SLC24A2: variants seen among roughly 807,000 people sequenced by gnomAD.
SLC24A2 encodes the protein solute carrier family 24 member 2, also known as sodium/potassium/calcium exchanger 2.
SLC24A2 carries 36 observed loss-of-function variants against 62.0 expected under a neutral mutation model. The ratio of observed to expected loss-of-function variants is 0.58; its 90% CI spans 0.44 to 0.77. The LOEUF (loss-of-function observed/expected upper bound fraction) is 0.77. SLC24A2 is among the 30% of genes least tolerant of loss of function. The pLI, the probability that SLC24A2 is intolerant of heterozygous loss-of-function variation, is 0.00. For missense variants in SLC24A2, 846 were observed against 817.9 expected (o/e 1.03, Z -0.42); for synonymous variants, 358 against 294.0 (o/e 1.22, Z -2.23).
At chr9:19,590,637 T>C (rs1024939943) in intron 5 of SLC24A2, among the ~76,000 whole-genome samples, 11 of 152,174 alleles carry the variant, frequency 7.2e-5, no homozygotes, top group African/African-American at 2.7e-4. Context: ...CTTACTTCTG[T>C]TCCCATCTGT....
chr9:20,027,328 C>T, the SLC24A2 span, among the ~76,000 whole-genome samples: 2 of 152,014 alleles, frequency 1.3e-5, no homozygotes, highest in African/African-American at 4.8e-5. Flanking sequence ...GCAATCACTA[C>T]GTCAAAAAGA....
At chr9:20,095,957 C>T in the SLC24A2 span, among the ~76,000 whole-genome samples, 32 of 152,184 alleles carry the variant, frequency 2.1e-4, no homozygotes, top group East Asian at 3.1e-3. Context: ...ATGGGGGAAA[C>T]CACCTCCATG....
Position 19,730,977 on chromosome 9 carries a change from A to G in SLC24A2, c.930+54960T>C, listed in dbSNP as rs538840627. Among the ~76,000 whole-genome samples, 10 of 152,228 alleles carry G rather than the reference A, an allele frequency of 6.6e-5. No individual in the cohort carries two copies. In the East Asian group the frequency reaches 1.9e-3, roughly 29 times the overall value. On this transcript the variant is annotated intron_variant, in intron 2 of 10. Coordinates refer to ENST00000341998, the MANE Select transcript of SLC24A2 (RefSeq NM_020344.4). ...CCTACTTAAAACTGTCACACTTTTC[A>G]GTTCATTTTGCTTCATAGTCCATTT...
At chr9:20,048,632 C>T in the SLC24A2 span, among the ~76,000 whole-genome samples, 1 of 152,028 alleles carries the variant, frequency 6.6e-6, no homozygotes, top group African/African-American at 2.4e-5. Context: ...CTGAAACCGG[C>T]ACTGAGACAA....
intron 2 of SLC24A2, among the ~76,000 whole-genome samples, chr9:19,681,254 C>T (rs1218357249): frequency 2.0e-5 from 3 of 152,104 alleles, no homozygotes; most frequent in Non-Finnish European, 4.4e-5. Flanking sequence ...TAGCTATCCA[C>T]ATAGATCTCT....
chr9:19,820,046 TATATATATACAC>T, the SLC24A2 span, among the ~76,000 whole-genome samples: 1,761 of 21,316 alleles, frequency 0.083, 58 homozygotes, highest in Non-Finnish European at 0.21. Context: ...TATATACATA[TATATATATACAC>T]ATATATATAT....
At chr9:19,740,955 A>G (rs540988183) in intron 2 of SLC24A2, among the ~76,000 whole-genome samples, 1 of 152,148 alleles carries the variant, frequency 6.6e-6, no homozygotes, top group Admixed American at 6.5e-5. Context: ...CTCTCACTGA[A>G]CCATTGAATC....
At chr9:20,060,183 G>C in the SLC24A2 span, among the ~76,000 whole-genome samples, 14 of 152,062 alleles carry the variant, frequency 9.2e-5, no homozygotes, top group East Asian at 2.5e-3. Flanking sequence ...TAACAAAAAA[G>C]AGCTCAGGAC....
chr9:19,950,301 A>G, the SLC24A2 span, among the ~76,000 whole-genome samples: 1 of 152,190 alleles, frequency 6.6e-6, no homozygotes, highest in African/African-American at 2.4e-5. Flanking sequence ...AGAGTTTGCT[A>G]TTATTTTTAT....
chr9:20,124,174 T>C, the SLC24A2 span, among the ~76,000 whole-genome samples: 1 of 152,150 alleles, frequency 6.6e-6, no homozygotes, highest in Non-Finnish European at 1.5e-5. Context: ...AGCATAACTA[T>C]ACGATTCCTC....
the SLC24A2 span, among the ~76,000 whole-genome samples, chr9:20,191,668 G>C: frequency 6.6e-6 from 1 of 151,138 alleles, no homozygotes; most frequent in South Asian, 2.1e-4. Flanking sequence ...AGAGAATTCA[G>C]GGCAAACTAG....
rs1832859009 is a variant in SLC24A2 at position 19,514,731 on chromosome 9, G to A, written c.*1422C>T. On this transcript the variant is annotated 3_prime_UTR_variant, in exon 11 of 11. Coordinates refer to ENST00000341998, the MANE Select transcript of SLC24A2 (RefSeq NM_020344.4). ...AAAACTTAGACAGAATCCCAGATAAGGTCTTGATGGAAGAAGAGACATAGA... is the reference window on the plus strand; with the variant it reads ...AAAACTTAGACAGAATCCCAGATAAAGTCTTGATGGAAGAAGAGACATAGA... The A allele has an allele frequency of 6.6e-6, 1 of 152,164 alleles. No individual in the cohort carries two copies. Among genetic ancestry groups the A allele is most frequent in the Non-Finnish European group, 1.5e-5 (1 of 68,038 alleles). The allele number at this position is 152,164 out of a possible 1,614,324, so 9.4% of individuals were successfully genotyped here. A position where few individuals can be genotyped will look rare whatever the true frequency, so the allele number is the denominator to read the frequency against.
the SLC24A2 span, among the ~76,000 whole-genome samples, chr9:19,821,068 G>A: frequency 6.6e-6 from 1 of 151,930 alleles, no homozygotes; most frequent in African/African-American, 2.4e-5. Flanking sequence ...TTTTTTTAGT[G>A]GATAGTTTCT....
At chr9:19,708,732 T>C (rs1360631850) in intron 2 of SLC24A2, among the ~76,000 whole-genome samples, 1 of 152,228 alleles carries the variant, frequency 6.6e-6, no homozygotes, top group Non-Finnish European at 1.5e-5. Context: ...GATCCCTTCC[T>C]TACATCTTAT....
the SLC24A2 span, among the ~76,000 whole-genome samples, chr9:19,837,179 G>A: frequency 1.4e-4 from 22 of 152,038 alleles, no homozygotes; most frequent in East Asian, 3.9e-4. Context: ...AGGGCCGGGT[G>A]CGGTGGCTCA....
At chr9:19,952,724 G>A in the SLC24A2 span, among the ~76,000 whole-genome samples, 1 of 130,222 alleles carries the variant, frequency 7.7e-6, no homozygotes. Context: ...GTGTTTCTTT[G>A]TCTATATTCA....
the SLC24A2 span, among the ~76,000 whole-genome samples, chr9:19,859,630 C>A: frequency 6.6e-6 from 1 of 152,114 alleles, no homozygotes; most frequent in African/African-American, 2.4e-5. Flanking sequence ...TTGTAAGAAC[C>A]AAAAATCAGG....
chr9:19,646,581 AGACATACT>A (rs1311196046), intron 2 of SLC24A2, among the ~76,000 whole-genome samples: 1 of 152,226 alleles, frequency 6.6e-6, no homozygotes, highest in Non-Finnish European at 1.5e-5. Context: ...ATAGATTGAC[AGACATACT>A]GATTCACCAG....
the SLC24A2 span, among the ~76,000 whole-genome samples, chr9:19,921,400 G>A: frequency 6.6e-6 from 1 of 151,560 alleles, no homozygotes. Flanking sequence ...GCGGGCGCCT[G>A]TAGTCCCAGC....
Sources: allele counts gnomAD v4.1 joint callset (sites outside exome capture counted in the v4.1 genomes callset), GRCh38; gene constraint gnomAD v4.1.1; transcripts MANE v1.5; gene names NCBI Gene and HGNC (gene_info 2026-07-23, HGNC 2026-07-21).